Variants in MCTP2 observed in about 807,000 individuals in gnomAD.
The protein encoded by MCTP2 is multiple C2 and transmembrane domain-containing protein 2.
Under a neutral mutation model 111.6 loss-of-function variants are expected in MCTP2, and 132 were observed. That is an observed-to-expected ratio of 1.18 (90% CI 1.03 to 1.37). The LOEUF (loss-of-function observed/expected upper bound fraction) is 1.37, where lower values mean the gene tolerates loss of function less well. Ranked by LOEUF, MCTP2 falls within the 40% of genes most tolerant of loss-of-function variation. MCTP2 has a pLI of 0.00. For synonymous variants in MCTP2, 395 were observed against 387.7 expected (o/e 1.02, Z -0.22); for missense variants, 1,183 against 1,067.9 (o/e 1.11, Z -1.50).
chr15:94,401,849 A>G, intron 16 of MCTP2, 51 bp from the exon 17 acceptor site: 2 of 1,446,020 alleles, frequency 1.4e-6, no homozygotes, highest in South Asian at 1.3e-5. Context: ...TCTAGATGGA[A>G]TATTTGTAGT....
intron 17 of MCTP2, among the ~76,000 whole-genome samples, chr15:94,413,255 A>G (rs951711024): frequency 1.3e-5 from 2 of 152,190 alleles, no homozygotes; most frequent in African/African-American, 4.8e-5. Flanking sequence ...ACAATCGTCT[A>G]TAAGCAGAAA....
Position 94,338,478 on chromosome 15 carries a change from G to C in MCTP2, c.638-812G>C, listed in dbSNP as rs181900723. ...GCACAATACATAATTCATGTATTAT[G>C]TTTGCAGGCATTTTTTTTTTTTTTT... On this transcript the variant is annotated intron_variant, in intron 4 of 22. Transcript: ENST00000357742. Among the ~76,000 whole-genome samples, 145 of 142,668 alleles carry C rather than the reference G, an allele frequency of 1.0e-3. 1 individual carries two copies. The highest frequency in any genetic ancestry group is 3.7e-3 in the African/African-American group (138 of 37,628). 93.6% of individuals were successfully genotyped at this position (142,668 alleles called of 152,430 possible).
At chr15:94,290,780 G>C (rs892165284) in intron 1 of MCTP2, among the ~76,000 whole-genome samples, 4 of 152,178 alleles carry the variant, frequency 2.6e-5, no homozygotes, top group African/African-American at 9.7e-5. Flanking sequence ...AACAAGATAG[G>C]CTTCAGAGCT....
chr15:94,321,178 T>C (rs544967261), intron 4 of MCTP2, among the ~76,000 whole-genome samples: 6 of 151,964 alleles, frequency 3.9e-5, no homozygotes, highest in South Asian at 2.1e-4. Flanking sequence ...ATGGGGAAAA[T>C]GAAGAAGGGT....
chr15:94,446,174 C>T (rs1347915904), intron 19 of MCTP2, among the ~76,000 whole-genome samples: 3 of 152,196 alleles, frequency 2.0e-5, no homozygotes, highest in Non-Finnish European at 4.4e-5. Context: ...CTTTTGCAGA[C>T]TTTCAGGGAT....
chr15:94,301,254 C>G (rs941139764), intron 2 of MCTP2, among the ~76,000 whole-genome samples: 7 of 152,092 alleles, frequency 4.6e-5, no homozygotes, highest in Non-Finnish European at 1.0e-4. Context: ...TTGCAGAGGA[C>G]GGAGGGACGG....
At chr15:94,355,842 G>T in intron 8 of MCTP2, 1 of 792,314 alleles carries the variant, frequency 1.3e-6, no homozygotes, top group Non-Finnish European at 1.5e-6. Flanking sequence ...ATAGCTAAAG[G>T]CCCAGTTGAA....
At chr15:94,345,839 A>G (rs767506492) in intron 8 of MCTP2, among the ~76,000 whole-genome samples, 3 of 152,242 alleles carry the variant, frequency 2.0e-5, no homozygotes, top group Non-Finnish European at 4.4e-5. Context: ...AGGAGAAATT[A>G]TACTTTGTAA....
intron 1 of MCTP2, among the ~76,000 whole-genome samples, chr15:94,249,788 A>G (rs1017120831): frequency 6.6e-6 from 1 of 151,978 alleles, no homozygotes; most frequent in African/African-American, 2.4e-5. Context: ...CCTGGCCAGA[A>G]TCTTTTTTTT....
intron 1 of MCTP2, among the ~76,000 whole-genome samples, chr15:94,235,337 C>T (rs1243786526): frequency 6.6e-6 from 1 of 152,068 alleles, no homozygotes; most frequent in Non-Finnish European, 1.5e-5. Flanking sequence ...CACCTACGTA[C>T]CTGAGATTAA....
At chr15:94,469,155 T>A (rs2073686629) in intron 20 of MCTP2, among the ~76,000 whole-genome samples, 1 of 152,030 alleles carries the variant, frequency 6.6e-6, no homozygotes, top group African/African-American at 2.4e-5. Context: ...AAATCCCGTC[T>A]CCCATAAAAA....
chr15:94,307,651 A>G (rs993984225), intron 2 of MCTP2, among the ~76,000 whole-genome samples: 26 of 152,362 alleles, frequency 1.7e-4, no homozygotes, highest in African/African-American at 6.0e-4. Flanking sequence ...CTCATAGGGC[A>G]GAAGGAATCG....
At chr15:94,264,548 G>T (rs1324327302) in intron 1 of MCTP2, among the ~76,000 whole-genome samples, 3 of 152,096 alleles carry the variant, frequency 2.0e-5, no homozygotes, top group Non-Finnish European at 2.9e-5. Context: ...GGCAGAGCTT[G>T]CAGTGAGCCG....
At chr15:94,272,609 A>G (rs897830941) in intron 1 of MCTP2, among the ~76,000 whole-genome samples, 3 of 152,196 alleles carry the variant, frequency 2.0e-5, no homozygotes, top group African/African-American at 4.8e-5. Flanking sequence ...AAATGGATAC[A>G]TTCAAGATTA....
At chr15:94,455,503 T>A (rs2084767868) in intron 19 of MCTP2, among the ~76,000 whole-genome samples, 4 of 152,134 alleles carry the variant, frequency 2.6e-5, no homozygotes, top group South Asian at 4.2e-4. Flanking sequence ...AGTGGCGCCA[T>A]CTGGGCTCAC....
At chr15:94,312,995 G>A (rs1276293132) in intron 2 of MCTP2, among the ~76,000 whole-genome samples, 3 of 152,114 alleles carry the variant, frequency 2.0e-5, no homozygotes, top group African/African-American at 4.8e-5. Flanking sequence ...AAGGACAAAT[G>A]TCATCAGTGC....
intron 4 of MCTP2, among the ~76,000 whole-genome samples, chr15:94,320,198 G>A (rs543125976): frequency 2.7e-5 from 4 of 149,088 alleles, no homozygotes; most frequent in East Asian, 4.0e-4. Flanking sequence ...GCTGGAGTGC[G>A]GTGGCACAGA....
Position 94,480,310 on chromosome 15 carries a change from G to A in MCTP2, c.*1276G>A, listed in dbSNP as rs555503071. The A allele has an allele frequency of 9.3e-5, 14 of 151,098 alleles. No homozygotes were observed. Among genetic ancestry groups the A allele is most frequent in the Non-Finnish European group, 1.8e-4 (12 of 67,954 alleles). 9.4% of individuals were successfully genotyped at this position (151,098 alleles called of 1,614,324 possible). A position where few individuals can be genotyped will look rare whatever the true frequency, so the allele number is the denominator to read the frequency against. On this transcript the variant is annotated 3_prime_UTR_variant, in exon 23 of 23. Transcript: ENST00000357742. ...AAGGTTAAAAAGATCTCATTTAATA[G>A]TGAGTTCACTATTTTTTTTTTTTTG...
intron 4 of MCTP2, among the ~76,000 whole-genome samples, chr15:94,327,206 A>C (rs149125716): frequency 1.3e-5 from 2 of 152,006 alleles, no homozygotes; most frequent in Non-Finnish European, 2.9e-5. Context: ...TCTCTTTTCT[A>C]TCTAGTTTTA....
Sources: gnomAD v4.1 joint callset for allele counts (sites outside exome capture counted in the v4.1 genomes callset) on GRCh38, gnomAD v4.1.1 for gene constraint, MANE v1.5 for transcripts, NCBI Gene and HGNC (gene_info 2026-07-23, HGNC 2026-07-21) for gene names.